The following GRM8 variants were observed in gnomAD, a reference collection of about 807,000 sequenced individuals.
GRM8 encodes the protein glutamate metabotropic receptor 8.
Under a neutral mutation model 87.2 loss-of-function variants are expected in GRM8, and 47 were observed. The ratio of observed to expected loss-of-function variants is 0.54; its 90% CI spans 0.43 to 0.69. The LOEUF is 0.69. Among genes scored for constraint, GRM8 ranks in the 30% least tolerant of loss-of-function variants. The probability of loss-of-function intolerance (pLI) is 0.00; values close to 1 mark genes in which losing one functional copy is unlikely to be tolerated. For missense variants in GRM8, 1,019 were observed against 1,139.2 expected, an observed-to-expected ratio of 0.89 and a Z score of 1.52; for synonymous variants, 396 against 404.5, an observed-to-expected ratio of 0.98 and a Z score of 0.25.
intron 6 of GRM8, among the ~76,000 whole-genome samples, chr7:126,879,135 C>T (rs898815763): frequency 2.8e-5 from 4 of 143,904 alleles, no homozygotes; most frequent in Non-Finnish European, 4.5e-5. Context: ...TGCACTCCAG[C>T]CTGGGCCACA....
chr7:126,945,753 A>G (rs1008357282), intron 3 of GRM8, among the ~76,000 whole-genome samples: 2 of 152,230 alleles, frequency 1.3e-5, no homozygotes, highest in African/African-American at 4.8e-5. Context: ...TAACATTTAA[A>G]TAAAAATATA....
chr7:126,548,876 C>T (rs1817469136), intron 8 of GRM8, among the ~76,000 whole-genome samples: 1 of 152,038 alleles, frequency 6.6e-6, no homozygotes. Context: ...GACCAATGGA[C>T]TTTCAAAATC....
At chr7:126,727,789 C>A (rs76084208) in intron 7 of GRM8, among the ~76,000 whole-genome samples, 4,153 of 151,992 alleles carry the variant, frequency 0.027, 206 homozygotes, top group African/African-American at 0.095. Context: ...TGCCTCTCCA[C>A]ACTCAATATC....
At chr7:126,550,715 A>T (rs920441721) in intron 8 of GRM8, among the ~76,000 whole-genome samples, 1 of 151,964 alleles carries the variant, frequency 6.6e-6, no homozygotes, top group Non-Finnish European at 1.5e-5. Flanking sequence ...TTTATTTTAA[A>T]ATAGAAAATA....
intron 6 of GRM8, among the ~76,000 whole-genome samples, chr7:126,832,243 A>G (rs1165149163): frequency 6.6e-6 from 1 of 152,012 alleles, no homozygotes; most frequent in African/African-American, 2.4e-5. Flanking sequence ...TAGATCCCTT[A>G]TCTACTCAGG....
chr7:126,955,249 C>A (rs1293414323), intron 3 of GRM8, among the ~76,000 whole-genome samples: 4 of 152,100 alleles, frequency 2.6e-5, no homozygotes, highest in Non-Finnish European at 5.9e-5. Flanking sequence ...GGATAACAGC[C>A]AATGTTTAAG....
intron 7 of GRM8, among the ~76,000 whole-genome samples, chr7:126,627,542 C>A (rs1419770091): frequency 1.3e-5 from 2 of 151,700 alleles, no homozygotes; most frequent in African/African-American, 4.9e-5. Flanking sequence ...ATATTTTTTT[C>A]TTCTTTTCTT....
At chr7:126,778,611 C>T (rs932885895) in intron 6 of GRM8, among the ~76,000 whole-genome samples, 19 of 152,242 alleles carry the variant, frequency 1.2e-4, no homozygotes, top group East Asian at 7.7e-4. Flanking sequence ...AGATCATACA[C>T]ATGAGAGACA....
chr7:126,553,225 T>C (rs1792777633), intron 8 of GRM8, among the ~76,000 whole-genome samples: 1 of 152,166 alleles, frequency 6.6e-6, no homozygotes, highest in Admixed American at 6.5e-5. Flanking sequence ...TTAACATCTC[T>C]ATAATAAACA....
chr7:126,929,626 G>A (rs985439321), intron 3 of GRM8, among the ~76,000 whole-genome samples: 2 of 152,064 alleles, frequency 1.3e-5, no homozygotes, highest in Admixed American at 6.5e-5. Context: ...TAGAGACGGG[G>A]TTTCACCATG....
rs531185450 is a variant in GRM8, at chr7:126,946,033, C to A, written c.728-41350G>T. ...ATTAATGTCCTTCCTACATCCACACCCTTTGCCCTGTAATTTTGCATTCTT... is the reference window on the plus strand; with the variant it reads ...ATTAATGTCCTTCCTACATCCACACACTTTGCCCTGTAATTTTGCATTCTT... On this transcript the variant is annotated intron_variant, in intron 3 of 10. Transcript: ENST00000339582. 8.5e-5 allele frequency among the ~76,000 whole-genome samples: 13 copies of A among 152,162 alleles called. No homozygotes were observed. The South Asian group carries it at 1.2e-3, about 15-fold the overall frequency.
At chr7:126,629,897 A>G (rs1801084146) in intron 7 of GRM8, among the ~76,000 whole-genome samples, 1 of 152,202 alleles carries the variant, frequency 6.6e-6, no homozygotes, top group Admixed American at 6.6e-5. Context: ...GTCTGACTTT[A>G]GCATAATCCT....
chr7:126,573,408 T>C (rs541343640), intron 8 of GRM8, among the ~76,000 whole-genome samples: 59 of 152,110 alleles, frequency 3.9e-4, no homozygotes, highest in Non-Finnish European at 6.6e-4. Context: ...AGTCAAGATA[T>C]ATGTCAAAAA....
intron 3 of GRM8, among the ~76,000 whole-genome samples, chr7:127,077,656 C>T (rs11762115): frequency 0.013 from 1,987 of 152,306 alleles, 17 homozygotes; most frequent in Middle Eastern, 0.027. Context: ...CAAACCACTT[C>T]GAACTGACCA....
chr7:126,627,219 G>T (rs918493633), intron 7 of GRM8, among the ~76,000 whole-genome samples: 2 of 152,172 alleles, frequency 1.3e-5, no homozygotes, highest in Non-Finnish European at 2.9e-5. Flanking sequence ...AGTGGTTGAG[G>T]TGATTTTGTC....
chr7:126,865,731 A>G (rs756361907), intron 6 of GRM8, among the ~76,000 whole-genome samples: 1 of 152,202 alleles, frequency 6.6e-6, no homozygotes, highest in Non-Finnish European at 1.5e-5. Flanking sequence ...CATGCTTTCA[A>G]GGTTTATCAA....
At chr7:126,709,772 T>C (rs1049056635) in intron 7 of GRM8, among the ~76,000 whole-genome samples, 1 of 152,168 alleles carries the variant, frequency 6.6e-6, no homozygotes, top group Non-Finnish European at 1.5e-5. Context: ...ACAACCTAAG[T>C]GTCCATGGAC....
intron 9 of GRM8, among the ~76,000 whole-genome samples, chr7:126,481,568 A>G (rs1239750703): frequency 1.3e-5 from 2 of 152,036 alleles, no homozygotes; most frequent in Non-Finnish European, 2.9e-5. Context: ...TATACATTCA[A>G]TCTAATCAAG....
chr7:126,856,855 CCTTCTGCCCTGTAGGTGGCAGA>C (rs1797734189), intron 6 of GRM8, among the ~76,000 whole-genome samples: 1 of 152,194 alleles, frequency 6.6e-6, no homozygotes, highest in Non-Finnish European at 1.5e-5. Context: ...TGCATTCTTT[CCTTCTGCCCTGTAGGTGGCAGA>C]CTTCTTGGCT....
Sources: allele counts gnomAD v4.1 joint callset (sites outside exome capture counted in the v4.1 genomes callset), GRCh38; gene constraint gnomAD v4.1.1; transcripts MANE v1.5; gene names NCBI Gene and HGNC (gene_info 2026-07-23, HGNC 2026-07-21).